Variants in TIAM2 observed in about 807,000 individuals in gnomAD.
The protein encoded by TIAM2 is rho guanine nucleotide exchange factor TIAM2.
A neutral mutation model predicts 152.9 loss-of-function variants in TIAM2; 80 were observed. The observed-to-expected ratio is 0.52, with a 90% CI of 0.44 to 0.63. The LOEUF (loss-of-function observed/expected upper bound fraction) is 0.63. TIAM2 is among the 30% of genes least tolerant of loss of function. The pLI is 0.00. For missense variants in TIAM2, 1,965 were observed against 2,120.1 expected (o/e 0.93, Z 1.44); for synonymous variants, 804 against 838.0 (o/e 0.96, Z 0.70).
At chr6:155,157,559 G>A (rs1397755224) in intron 7 of TIAM2, among the ~76,000 whole-genome samples, 3 of 151,572 alleles carry the variant, frequency 2.0e-5, no homozygotes, top group Non-Finnish European at 4.4e-5. Context: ...CTCCTGTCTC[G>A]GCCTCTCAAA....
At chr6:155,151,868 G>A (rs1442388840) in intron 7 of TIAM2, among the ~76,000 whole-genome samples, 2 of 118,656 alleles carry the variant, frequency 1.7e-5, no homozygotes, top group African/African-American at 6.1e-5. Context: ...TTTTGAGACA[G>A]AGTTTTGCTC....
chr6:155,089,351 C>T (rs1778246372), intron 1 of TIAM2, among the ~76,000 whole-genome samples: 1 of 152,180 alleles, frequency 6.6e-6, no homozygotes, highest in South Asian at 2.1e-4. Flanking sequence ...GGACTACAGG[C>T]GTGAGCCACC....
rs145748666 is a variant in TIAM2, at chr6:155,224,725, C to T, written c.3168+13418C>T. ...CGCCTCTGCTATTCACCTGCCTTTGCGCTCTCTCATTCTTTGCTGCCACCT... is the reference window on the plus strand; with the variant it reads ...CGCCTCTGCTATTCACCTGCCTTTGTGCTCTCTCATTCTTTGCTGCCACCT... On this transcript the variant is annotated intron_variant, in intron 15 of 26. Transcript: ENST00000682666. Among the ~76,000 whole-genome samples the T allele has an allele frequency of 1.6e-3, 243 of 152,316 alleles. 1 individual carries two copies. Among genetic ancestry groups the T allele is most frequent in the African/African-American group, 5.2e-3 (215 of 41,564 alleles).
At chr6:155,107,942 A>C (rs932285428) in intron 2 of TIAM2, among the ~76,000 whole-genome samples, 1 of 152,208 alleles carries the variant, frequency 6.6e-6, no homozygotes, top group Non-Finnish European at 1.5e-5. Context: ...TTGGCCAAGC[A>C]TGTAATTCGC....
chr6:155,250,425 C>A (rs111766860), intron 21 of TIAM2: 11,057 of 779,982 alleles, frequency 0.014, 160 homozygotes, highest in Non-Finnish European at 0.015. Context: ...TTGTGCTTCT[C>A]AAGCCAGCAT....
chr6:155,050,067 A>T (rs1777284496), intron 1 of TIAM2, among the ~76,000 whole-genome samples: 1 of 152,238 alleles, frequency 6.6e-6, no homozygotes, highest in South Asian at 2.1e-4. Flanking sequence ...TTCTCATCAC[A>T]TAAAATGGAT....
intron 2 of TIAM2, among the ~76,000 whole-genome samples, chr6:155,099,099 A>T (rs553080238): frequency 1.5e-5 from 2 of 137,330 alleles, no homozygotes; most frequent in African/African-American, 2.6e-5. Context: ...AGGCAGGAGG[A>T]TTGCTTGAAC....
chr6:155,132,912 A>G (rs563367397), intron 4 of TIAM2, among the ~76,000 whole-genome samples: 4 of 152,330 alleles, frequency 2.6e-5, no homozygotes, highest in South Asian at 4.1e-4. Flanking sequence ...GCTGCTGTGT[A>G]TGAATCATTC....
At chr6:155,127,263 T>C (rs1157245012) in intron 2 of TIAM2, among the ~76,000 whole-genome samples, 1 of 152,184 alleles carries the variant, frequency 6.6e-6, no homozygotes. Flanking sequence ...TGCATTTGAC[T>C]GCAGACTGGG....
intron 2 of TIAM2, among the ~76,000 whole-genome samples, chr6:155,124,625 C>T (rs921601434): frequency 6.6e-6 from 1 of 152,212 alleles, no homozygotes; most frequent in African/African-American, 2.4e-5. Flanking sequence ...GCCACCACAC[C>T]CAGCTGGTTT....
At chr6:155,172,848 A>G (rs1427192166) in intron 9 of TIAM2, among the ~76,000 whole-genome samples, 3 of 151,214 alleles carry the variant, frequency 2.0e-5, no homozygotes, top group African/African-American at 7.3e-5. Flanking sequence ...TAACCTGGAA[A>G]AAGAGTTTTC....
At chr6:155,124,161 G>A (rs1430816634) in intron 2 of TIAM2, among the ~76,000 whole-genome samples, 2 of 151,840 alleles carry the variant, frequency 1.3e-5, no homozygotes, top group Non-Finnish European at 2.9e-5. Context: ...TGGGATTACA[G>A]GTGTGTGCCC....
chr6:155,252,080 C>A, intron 23 of TIAM2, 77 bp downstream of exon 23: 1 of 1,172,798 alleles, frequency 8.5e-7, no homozygotes, highest in East Asian at 2.5e-5. Context: ...CTGAAAAGCC[C>A]ACTGAGCACC....
intron 1 of TIAM2, among the ~76,000 whole-genome samples, chr6:155,063,443 T>C: frequency 6.6e-6 from 1 of 152,186 alleles, no homozygotes; most frequent in South Asian, 2.1e-4. Context: ...GTATATTTCC[T>C]GCAGTATAGC....
intron 2 of TIAM2, among the ~76,000 whole-genome samples, chr6:155,113,214 C>T (rs73794461): frequency 0.022 from 3,302 of 152,184 alleles, 116 homozygotes; most frequent in African/African-American, 0.075. Flanking sequence ...CCTGCCTCTC[C>T]GGCACTTGCA....
chr6:155,222,412 C>A (rs552006915), intron 15 of TIAM2, among the ~76,000 whole-genome samples: 1 of 151,672 alleles, frequency 6.6e-6, no homozygotes, highest in South Asian at 2.1e-4. Context: ...ACCAGCCTGG[C>A]CAACATGGTG....
intron 1 of TIAM2, among the ~76,000 whole-genome samples, chr6:155,052,414 A>G (rs374101176): frequency 6.6e-5 from 10 of 152,164 alleles, no homozygotes; most frequent in African/African-American, 2.4e-4. Flanking sequence ...GAACTCTTTG[A>G]TATCCTGATT....
At chr6:155,021,115 T>C (rs1776471793) in intron 1 of TIAM2, among the ~76,000 whole-genome samples, 1 of 152,216 alleles carries the variant, frequency 6.6e-6, no homozygotes, top group Non-Finnish European at 1.5e-5. Context: ...CATCTTTTGT[T>C]TGTCTGCCCA....
intron 2 of TIAM2, among the ~76,000 whole-genome samples, chr6:155,101,320 A>G (rs1466541833): frequency 1.3e-5 from 2 of 152,132 alleles, no homozygotes; most frequent in Non-Finnish European, 2.9e-5. Flanking sequence ...CCTTCAGCCT[A>G]CGTTATTCAA....
Sources: gnomAD v4.1 joint callset for allele counts (sites outside exome capture counted in the v4.1 genomes callset) on GRCh38, gnomAD v4.1.1 for gene constraint, MANE v1.5 for transcripts, NCBI Gene and HGNC (gene_info 2026-07-23, HGNC 2026-07-21) for gene names.